Variants in RBM19 observed in about 807,000 individuals in gnomAD.
The protein encoded by RBM19 is RNA binding motif protein 19.
RBM19 carries 94 observed loss-of-function variants against 116.8 expected under a neutral mutation model. That is an observed-to-expected ratio of 0.80 (90% CI 0.68 to 0.95). The LOEUF (loss-of-function observed/expected upper bound fraction) is 0.95, where lower values mean the gene tolerates loss of function less well. Among genes scored for constraint, RBM19 ranks in the 40% least tolerant of loss-of-function variants. The pLI is 0.00. For synonymous variants in RBM19, 475 were observed against 494.1 expected (o/e 0.96, Z 0.51); for missense variants, 1,161 against 1,220.7 (o/e 0.95, Z 0.73).
At chr12:113,865,264 C>T (rs971294409) in intron 21 of RBM19, among the ~76,000 whole-genome samples, 1 of 152,146 alleles carries the variant, frequency 6.6e-6, no homozygotes, top group Non-Finnish European at 1.5e-5. Flanking sequence ...TCACCTGGAA[C>T]CCTGCTTGCC....
At chr12:113,886,846 C>G (rs116618969) in intron 21 of RBM19, among the ~76,000 whole-genome samples, 1 of 152,106 alleles carries the variant, frequency 6.6e-6, no homozygotes, top group East Asian at 1.9e-4. Context: ...ATCACACAGG[C>G]CACGCAGCCC....
intron 21 of RBM19, among the ~76,000 whole-genome samples, chr12:113,859,732 C>T (rs1280055065): frequency 6.6e-6 from 1 of 152,192 alleles, no homozygotes; most frequent in African/African-American, 2.4e-5. Flanking sequence ...TTCTAATGTC[C>T]ATTTATCAAA....
At chr12:113,928,640 T>TGTGTGTGTGTGTGC (rs2135882750) in intron 16 of RBM19, among the ~76,000 whole-genome samples, 1 of 149,574 alleles carries the variant, frequency 6.7e-6, no homozygotes, top group East Asian at 2.1e-4. Context: ...TGTGTGTGTG[T>TGTGTGTGTGTGTGC]GTGTGTGTGT....
chr12:113,819,192 G>A (rs1420529419), downstream of RBM19, among the ~76,000 whole-genome samples: 1 of 152,184 alleles, frequency 6.6e-6, no homozygotes, highest in East Asian at 1.9e-4. Context: ...TCTGGAAACA[G>A]CCTGTCCCCG....
intron 21 of RBM19, among the ~76,000 whole-genome samples, chr12:113,888,260 T>C (rs967911323): frequency 6.6e-6 from 1 of 152,228 alleles, no homozygotes; most frequent in South Asian, 2.1e-4. Flanking sequence ...AATGACATTA[T>C]ATAACCAATC....
chr12:113,878,141 C>G (rs555625156), intron 21 of RBM19, among the ~76,000 whole-genome samples: 2 of 152,060 alleles, frequency 1.3e-5, no homozygotes, highest in Non-Finnish European at 2.9e-5. Context: ...ACAGAAACAT[C>G]GACGACCCTT....
chr12:113,946,841 G>A (rs946643073), intron 11 of RBM19, among the ~76,000 whole-genome samples: 3 of 152,246 alleles, frequency 2.0e-5, no homozygotes, highest in African/African-American at 7.2e-5. Context: ...AGGGGATCAA[G>A]AAATCATGAA....
At chr12:113,859,118 T>C (rs567297681) in intron 21 of RBM19, among the ~76,000 whole-genome samples, 5 of 152,244 alleles carry the variant, frequency 3.3e-5, no homozygotes, top group Admixed American at 6.5e-5. Context: ...AGGCTGGAGA[T>C]GTGAATGGAG....
chr12:113,965,337 A>AAG (rs10686354), intron 1 of RBM19, among the ~76,000 whole-genome samples: 81,584 of 143,354 alleles, frequency 0.57, 23,353 homozygotes, highest in African/African-American at 0.74. Flanking sequence ...AAAGCCATGA[A>AAG]AGAGAGAGAA....
At chr12:113,861,336 C>G (rs573702690) in intron 21 of RBM19, among the ~76,000 whole-genome samples, 1 of 152,156 alleles carries the variant, frequency 6.6e-6, no homozygotes, top group Non-Finnish European at 1.5e-5. Context: ...GACCACCAGG[C>G]AAGGTGGGGG....
At chr12:113,922,126 T>C (rs1868631258) in intron 18 of RBM19, among the ~76,000 whole-genome samples, 1 of 152,166 alleles carries the variant, frequency 6.6e-6, no homozygotes, top group African/African-American at 2.4e-5. Context: ...GCTCCAACTC[T>C]CAGCTGAGCT....
At position 113,898,861 on chromosome 12, in the gene RBM19, ATGT is replaced by A. The variant is rs1260344195; in HGVS notation, c.2558+16105_2558+16107del. On this transcript the variant is annotated intron_variant, in intron 21 of 23. Coordinates refer to ENST00000261741, the MANE Select transcript of RBM19 (RefSeq NM_016196.4). The surrounding 1 kb of genome is among the most constrained non-coding windows in gnomAD (Gnocchi z 4.3). ...CGACATCATCCATCACGCTAAAATA[ATGT>A]TGTTAATTTGAATTTTATTGAGTTT... 6.6e-6 allele frequency among the ~76,000 whole-genome samples: 1 copy of A among 152,220 alleles called. No individual in the cohort carries two copies. The highest frequency in any genetic ancestry group is 1.5e-5 in the Non-Finnish European group (1 of 68,036).
At chr12:113,852,308 T>C (rs1877525141) in intron 22 of RBM19, among the ~76,000 whole-genome samples, 2 of 152,170 alleles carry the variant, frequency 1.3e-5, no homozygotes. Flanking sequence ...CCTGCCCATC[T>C]GAGGAGGGCA....
At chr12:113,884,799 A>G (rs369326268) in intron 21 of RBM19, among the ~76,000 whole-genome samples, 2 of 152,256 alleles carry the variant, frequency 1.3e-5, no homozygotes, top group African/African-American at 4.8e-5. Context: ...TTGAAAGGAC[A>G]CAATCTACCT....
intron 11 of RBM19, among the ~76,000 whole-genome samples, chr12:113,946,991 T>A (rs1173315985): frequency 2.0e-5 from 3 of 152,212 alleles, no homozygotes; most frequent in Non-Finnish European, 4.4e-5. Context: ...TTTTAATAGG[T>A]CCCTGTCAAA....
rs1566047127 is a variant in RBM19 at position 113,962,382 on chromosome 12, GGCAAACAGCTGCCTGAAAC to G, written c.50_68del (p.Arg17ProfsTer6). On this transcript the variant is annotated frameshift_variant, in exon 2 of 24. Transcript: ENST00000261741. LOFTEE classifies it high-confidence loss of function. ...TGCAGTCTGTCAGCGTGCCGAAGGCGGCAAACAGCTGCCTGAAACGCTCCTCCTTCATCTAGGACAGAGG... is the reference window on the plus strand; with the variant it reads ...TGCAGTCTGTCAGCGTGCCGAAGGCGGCTCCTCCTTCATCTAGGACAGAGG... 2.5e-6 allele frequency: 4 copies of G among 1,614,150 alleles called. No homozygotes were observed. The South Asian group carries it at 3.3e-5, about 13-fold the overall frequency.
chr12:113,946,854 A>T (rs1044856614), intron 11 of RBM19, among the ~76,000 whole-genome samples: 1 of 152,254 alleles, frequency 6.6e-6, no homozygotes, highest in Non-Finnish European at 1.5e-5. Context: ...ATCATGAATA[A>T]ATCAATGAAT....
chr12:113,920,134 C>T (rs543933710), intron 19 of RBM19, among the ~76,000 whole-genome samples: 2 of 152,334 alleles, frequency 1.3e-5, no homozygotes, highest in Non-Finnish European at 1.5e-5. Context: ...AACTACCTCC[C>T]TCCCAGATCT....
intron 21 of RBM19, among the ~76,000 whole-genome samples, chr12:113,911,711 A>G (rs569619950): frequency 5.8e-4 from 89 of 152,268 alleles, no homozygotes; most frequent in Middle Eastern, 3.4e-3. Context: ...TGGTTTCTTC[A>G]CTGAGAAACA....
Sources: gnomAD v4.1 joint callset for allele counts (sites outside exome capture counted in the v4.1 genomes callset) on GRCh38, gnomAD v4.1.1 for gene constraint, Gnocchi (gnomAD v3.1) non-coding constraint, MANE v1.5 for transcripts, NCBI Gene and HGNC (gene_info 2026-07-23, HGNC 2026-07-21) for gene names.